AMPH: variants seen among roughly 807,000 people sequenced by gnomAD.
AMPH encodes the protein amphiphysin (Stiff-Mann syndrome with breast cancer 128kD autoantigen).
In AMPH, 49 loss-of-function variants were observed where a neutral mutation model predicts 99.1. The observed-to-expected ratio is 0.49, with a 90% CI of 0.39 to 0.63. The LOEUF (loss-of-function observed/expected upper bound fraction) is 0.63. Ranked by LOEUF, AMPH falls within the 20% of genes least tolerant of loss-of-function variation. AMPH has a pLI of 0.00. For missense variants in AMPH, 759 were observed against 863.4 expected, an observed-to-expected ratio of 0.88 and a Z score of 1.52; for synonymous variants, 314 against 317.3, an observed-to-expected ratio of 0.99 and a Z score of 0.11.
intron 2 of AMPH, among the ~76,000 whole-genome samples, chr7:38,520,642 T>A (rs554939654): frequency 9.9e-5 from 15 of 152,238 alleles, no homozygotes; most frequent in African/African-American, 3.4e-4. Flanking sequence ...ACTACTGAAG[T>A]AAACAGAGGA....
At chr7:38,508,500 T>G (rs17171389) in intron 2 of AMPH, among the ~76,000 whole-genome samples, 1 of 151,872 alleles carries the variant, frequency 6.6e-6, no homozygotes, top group African/African-American at 2.4e-5. Context: ...TATGGAAAAA[T>G]TTTTCATTAA....
chr7:38,631,178 C>A, intron 1 of AMPH, 105 bp downstream of exon 1: 2 of 1,022,992 alleles, frequency 2.0e-6, no homozygotes, highest in Non-Finnish European at 2.5e-6. Context: ...CGCTCCGCAG[C>A]GCGCCGCACC....
At chr7:38,494,399 G>A (rs760059816) in intron 4 of AMPH, 34 bp downstream of exon 4, 69 of 1,574,772 alleles carry the variant, frequency 4.4e-5, no homozygotes, top group Admixed American at 8.3e-5. Flanking sequence ...AGCAAGGGTC[G>A]TGGGAGCCTC....
At position 38,496,591 on chromosome 7, in the gene AMPH, C is replaced by T. The variant is rs73358618; in HGVS notation, c.206-2064G>A. On this transcript the variant is annotated intron_variant, in intron 3 of 20. Coordinates refer to ENST00000356264, the MANE Select transcript of AMPH (RefSeq NM_001635.4). ...GAGACAAAACCTGAATCCAACCCAT[C>T]GCACTCTGAATCCAAGCAAGGGGGG... 8.5e-3 allele frequency among the ~76,000 whole-genome samples: 1,287 copies of T among 152,218 alleles called. 19 individuals carry two copies. The highest frequency in any genetic ancestry group is 0.027 in the African/African-American group (1,115 of 41,536).
At chr7:38,576,079 T>C (rs1792230941) in intron 1 of AMPH, among the ~76,000 whole-genome samples, 1 of 152,204 alleles carries the variant, frequency 6.6e-6, no homozygotes, top group South Asian at 2.1e-4. Flanking sequence ...CTAGAGTTCC[T>C]GAACACCTAT....
intron 1 of AMPH, among the ~76,000 whole-genome samples, chr7:38,544,231 AT>A (rs1251041629): frequency 1.3e-5 from 2 of 152,230 alleles, no homozygotes; most frequent in Non-Finnish European, 2.9e-5. Context: ...AGGTTATTGT[AT>A]TAATTCAAAT....
chr7:38,494,447 T>G lies in AMPH; in HGVS notation c.286A>C (p.Lys96Gln). Residue 96 changes from lysine to glutamine, a missense_variant, in exon 4 of 21, where the codon AAA (lysine) becomes CAA (glutamine). Physicochemically the swap from Lys to Gln is moderately conservative, Grantham distance 53. Coordinates refer to ENST00000356264, the MANE Select transcript of AMPH (RefSeq NM_001635.4). ...CCAGCTCTTACCTCACCAACCATTT[T>G]CACATCTTCCCGCCCATACCAGTCA... ...EPDWYGREDV[K>Q]MVGEKCDVLW... 1.2e-6 allele frequency: 2 copies of G among 1,613,786 alleles called. No individual in the cohort carries two copies. Among genetic ancestry groups the G allele is most frequent in the Non-Finnish European group, 1.7e-6 (2 of 1,179,804 alleles).
rs890328960 is a variant in AMPH, at chr7:38,551,524, A to G, written c.70-16513T>C. ...AGGAGTCCCCAGACTTTGTTAGCATACAGTATATTTAAATTATGCTGCGAA... is the reference window on the plus strand; with the variant it reads ...AGGAGTCCCCAGACTTTGTTAGCATGCAGTATATTTAAATTATGCTGCGAA... On this transcript the variant is annotated intron_variant, in intron 1 of 20. Transcript: ENST00000356264. 2.0e-5 allele frequency among the ~76,000 whole-genome samples: 3 copies of G among 152,042 alleles called. No individual in the cohort carries two copies. The South Asian group carries it at 6.2e-4, about 32-fold the overall frequency.
At chr7:38,428,864 G>A (rs923414337) in intron 14 of AMPH, 1 of 578,340 alleles carries the variant, frequency 1.7e-6, no homozygotes, top group African/African-American at 1.9e-5. Flanking sequence ...TTTCATTGGC[G>A]TTTGTACTTT....
rs747623456 is a variant in AMPH at position 38,534,958 on chromosome 7, T to C, written c.123A>G (p.Glu41=). ...ADETKDEQFE[E]YVQNFKRQEA... ...CTTGCCGTTTGAAGTTCTGGACATA[T>C]TCTTCGAACTGTTCGTCTTTTGTCT... is the stretch of plus-strand genomic sequence containing the variant. The change falls in exon 2 of 21, where the codon GAA becomes GAG. Residue 41 remains glutamate, a synonymous_variant. Transcript: ENST00000356264. 1.2e-6 allele frequency: 2 copies of C among 1,614,158 alleles called. No homozygotes were observed. Among genetic ancestry groups the C allele is most frequent in the South Asian group, 2.2e-5 (2 of 91,074 alleles).
Position 38,615,441 on chromosome 7 carries a change from G to A in AMPH, c.69+15842C>T, listed in dbSNP as rs563681256. ...AAACCTGGAAGCCCCAGCTCATAGA[G>A]CCCTCTTTCCCAAAGTGGAATGAAC... On this transcript the variant is annotated intron_variant, in intron 1 of 20. Transcript: ENST00000356264. 3.3e-5 allele frequency among the ~76,000 whole-genome samples: 5 copies of A among 152,254 alleles called. No homozygotes were observed. In the East Asian group the frequency reaches 9.6e-4, roughly 29 times the overall value.
chr7:38,432,251 ATC>A, intron 12 of AMPH, 39 bp from the exon 13 acceptor site: 2 of 1,578,966 alleles, frequency 1.3e-6, no homozygotes, highest in South Asian at 2.3e-5. Flanking sequence ...AGTTATACAA[ATC>A]TAAAACATAA....
intron 1 of AMPH, among the ~76,000 whole-genome samples, chr7:38,541,930 T>C (rs2118458): frequency 0.92 from 139,585 of 152,270 alleles, 64,167 homozygotes; most frequent in East Asian, 1. Flanking sequence ...AGTAAGCACC[T>C]GCCAAGGCTG....
chr7:38,490,764 A>G (rs1328696360), intron 5 of AMPH, among the ~76,000 whole-genome samples: 1 of 152,174 alleles, frequency 6.6e-6, no homozygotes, highest in Admixed American at 6.5e-5. Context: ...GAAGATTGGA[A>G]CTTTTGGTAG....
At chr7:38,483,590 G>A (rs185690937) in intron 5 of AMPH, among the ~76,000 whole-genome samples, 1 of 152,100 alleles carries the variant, frequency 6.6e-6, no homozygotes, top group Non-Finnish European at 1.5e-5. Context: ...GGGGTGCTAA[G>A]AACAAAGAAA....
chr7:38,489,793 G>C (rs890063093), intron 5 of AMPH, among the ~76,000 whole-genome samples: 2 of 152,062 alleles, frequency 1.3e-5, no homozygotes, highest in Non-Finnish European at 2.9e-5. Flanking sequence ...GTTGCCAAGG[G>C]CTAGAGAGAG....
intron 20 of AMPH, among the ~76,000 whole-genome samples, chr7:38,387,585 C>A (rs1287814019): frequency 6.6e-6 from 1 of 151,950 alleles, no homozygotes; most frequent in Admixed American, 6.6e-5. Context: ...ATTATCCAAC[C>A]TGACTACCAG....
chr7:38,590,539 G>A lies in AMPH; in HGVS notation c.69+40744C>T, dbSNP rs929519755. Among the ~76,000 whole-genome samples the A allele has an allele frequency of 4.6e-5, 7 of 152,298 alleles. No homozygotes were observed. The East Asian group carries it at 7.7e-4, about 17-fold the overall frequency. ...AAAGGGGGTTGCCCACTCCCGGCTC[G>A]AATGCCTGGGGTTTATATCCCAATC... On this transcript the variant is annotated intron_variant, in intron 1 of 20. Transcript: ENST00000356264.
chr7:38,560,528 A>G (rs533588480), intron 1 of AMPH, among the ~76,000 whole-genome samples: 24 of 152,220 alleles, frequency 1.6e-4, no homozygotes, highest in Non-Finnish European at 3.1e-4. Context: ...ACAAGAATTT[A>G]GAAAGTAAAG....
Sources: gnomAD v4.1 joint callset for allele counts (sites outside exome capture counted in the v4.1 genomes callset) on GRCh38, gnomAD v4.1.1 for gene constraint, MANE v1.5 for transcripts, NCBI Gene and HGNC (gene_info 2026-07-23, HGNC 2026-07-21) for gene names.